The following HPS1 variants were observed in gnomAD, a reference collection of about 807,000 sequenced individuals.
HPS1 encodes HPS1 biogenesis of lysosomal organelles complex 3 subunit 1.
Under a neutral mutation model 90.6 loss-of-function variants are expected in HPS1, and 59 were observed. The observed-to-expected ratio is 0.65, with a 90% confidence interval of 0.53 to 0.81. The LOEUF (loss-of-function observed/expected upper bound fraction) is 0.81. HPS1 is among the 30% of genes least tolerant of loss of function. The pLI, the probability that HPS1 is intolerant of heterozygous loss-of-function variation, is 0.00. For missense variants in HPS1, 849 were observed against 896.7 expected (o/e 0.95, Z 0.68); for synonymous variants, 388 against 384.4 (o/e 1.01, Z -0.11).
chr10:98,425,402 C>A, intron 13 of HPS1, 139 bp downstream of exon 13: 1 of 797,352 alleles, frequency 1.3e-6, no homozygotes, highest in Non-Finnish European at 2.1e-6. Flanking sequence ...ATAGGGAAAA[C>A]AAGGATCGTA....
At chr10:98,424,482 A>C (rs1271021754) in intron 13 of HPS1, 108 bp from the exon 14 acceptor site, 8 of 955,576 alleles carry the variant, frequency 8.4e-6, no homozygotes, top group Non-Finnish European at 1.3e-5. Flanking sequence ...GCCCCCAGAC[A>C]AATCTGCCCT....
rs1358168907 is a variant in HPS1, at chr10:98,427,155, CA to C, written c.987+59del. On this transcript the variant is annotated intron_variant, in intron 11 of 19. Coordinates refer to ENST00000361490, the MANE Select transcript of HPS1 (RefSeq NM_000195.5). ...CTGGAGGCGAAACCCTCAGAGCCCC[CA>C]ATACTCACTGCGGCATCTCAGATCA... The C allele has an allele frequency of 2.9e-6, 4 of 1,399,556 alleles. No homozygotes were observed. The South Asian group carries it at 5.0e-5, about 17-fold the overall frequency. The allele number at this position is 1,399,556 out of a possible 1,614,324, so 86.7% of individuals were successfully genotyped here. A position where few individuals can be genotyped will look rare whatever the true frequency, so the allele number is the denominator to read the frequency against.
intron 19 of HPS1, 23 bp downstream of exon 19, chr10:98,418,152 A>C: frequency 6.5e-7 from 1 of 1,531,484 alleles, no homozygotes; most frequent in Non-Finnish European, 9.0e-7. Context: ...ATCTGTCCCC[A>C]GTGGCTCCCA....
At chr10:98,423,289 C>T (rs1040169926) in intron 16 of HPS1, among the ~76,000 whole-genome samples, 6 of 151,328 alleles carry the variant, frequency 4.0e-5, no homozygotes, top group Admixed American at 1.3e-4. Flanking sequence ...ACCCCCCCCC[C>T]GGTCCCCACC....
At chr10:98,429,142 CA>C in intron 10 of HPS1, 1 of 1,028,740 alleles carries the variant, frequency 9.7e-7, no homozygotes, top group Non-Finnish European at 1.2e-6. Context: ...ACACCTCAAC[CA>C]TTTTGAATAT....
intron 6 of HPS1, 90 bp from the exon 7 acceptor site, chr10:98,431,381 C>CAAGCTCACTGTGG: frequency 1.5e-6 from 2 of 1,376,254 alleles, no homozygotes; most frequent in Non-Finnish European, 2.0e-6. Context: ...TCACTCTGTC[C>CAAGCTCACTGTGG]ACAGTGAGCT....
At chr10:98,430,744 T>C in intron 7 of HPS1, 74 bp from the exon 8 acceptor site, 1 of 1,251,992 alleles carries the variant, frequency 8.0e-7, no homozygotes, top group Non-Finnish European at 1.1e-6. Context: ...TAAAGGAGTG[T>C]GGAGCCTGGC....
At chr10:98,426,926 TA>T (rs138043631) in intron 11 of HPS1, among the ~76,000 whole-genome samples, 25 of 150,602 alleles carry the variant, frequency 1.7e-4, no homozygotes, top group East Asian at 1.6e-3. Context: ...CATGCTCACT[TA>T]AAAAAAAAAT....
chr10:98,418,716 G>A (rs938766401), intron 18 of HPS1, among the ~76,000 whole-genome samples: 2 of 152,220 alleles, frequency 1.3e-5, no homozygotes, highest in Non-Finnish European at 2.9e-5. Flanking sequence ...CCTGGGCACC[G>A]TGGCCTGCCC....
intron 3 of HPS1, among the ~76,000 whole-genome samples, chr10:98,438,339 C>T (rs901045165): frequency 6.6e-6 from 1 of 152,156 alleles, no homozygotes; most frequent in Admixed American, 6.5e-5. Flanking sequence ...TTCCCAGAGA[C>T]TCATTGAATG....
intron 11 of HPS1, chr10:98,426,237 G>C: frequency 1.9e-6 from 1 of 521,030 alleles, no homozygotes. Flanking sequence ...AGGGGCAGAG[G>C]GGCTGGGTGG....
chr10:98,425,642 C>T lies in HPS1; in HGVS notation c.1234G>A (p.Gly412Arg), dbSNP rs751073997. The T allele has an allele frequency of 6.2e-7, 1 of 1,613,768 alleles. No homozygotes were observed. The highest frequency in any genetic ancestry group is 8.5e-7 in the Non-Finnish European group (1 of 1,179,952). ...CGCAGGGAGGCCCCGGGCTCCGGCCCTTCCTTCAGCTTCTTCTCCAGCATG... is the reference window on the plus strand; with the variant it reads ...CGCAGGGAGGCCCCGGGCTCCGGCCTTTCCTTCAGCTTCTTCTCCAGCATG... ...FSMLEKKLKE[G>R]PEPGASLRSQ... Residue 412 changes from glycine to arginine, a missense_variant, in exon 13 of 20, where the codon GGG becomes AGG. Coordinates refer to ENST00000361490, the MANE Select transcript of HPS1 (RefSeq NM_000195.5).
chr10:98,423,326 G>C (rs899927732), intron 16 of HPS1, among the ~76,000 whole-genome samples: 1 of 125,912 alleles, frequency 7.9e-6, no homozygotes, highest in Non-Finnish European at 1.6e-5. Context: ...CTACCATTTT[G>C]CCAGCTGGGC....
At chr10:98,442,973 C>T (rs1197029996) in intron 3 of HPS1, 151 bp downstream of exon 3, 1 of 750,788 alleles carries the variant, frequency 1.3e-6, no homozygotes, top group East Asian at 2.5e-5. Flanking sequence ...GGATAAGGGT[C>T]TAGGTGTGAA....
chr10:98,420,336 A>G (rs1305296970), intron 17 of HPS1, 178 bp from the exon 18 acceptor site: 8 of 640,782 alleles, frequency 1.2e-5, no homozygotes, highest in South Asian at 4.9e-5. Context: ...TCATTATTGG[A>G]TGGATGGACT....
At chr10:98,415,177 G>T (rs369767352), downstream of HPS1, 126 of 1,601,640 alleles carry the variant, frequency 7.9e-5, no homozygotes, top group African/African-American at 1.6e-3. Flanking sequence ...GAGTTTGCTA[G>T]CGATTGGCTT....
rs182133449 is a variant in HPS1 at position 98,434,642 on chromosome 10, G to A, written c.399-551C>T. Among the ~76,000 whole-genome samples, 4 of 152,054 alleles carry A rather than the reference G, an allele frequency of 2.6e-5. No individual in the cohort carries two copies. In the East Asian group the frequency reaches 7.7e-4, roughly 29 times the overall value. On this transcript the variant is annotated intron_variant, in intron 5 of 19. Transcript: ENST00000361490. Reference sequence around the variant, plus strand: ...ATATCGCCACAAAACTAAAGTCCCAGAGCTTCACACTCCGCAGCTTCCCAA... The same window carrying A: ...ATATCGCCACAAAACTAAAGTCCCAAAGCTTCACACTCCGCAGCTTCCCAA...
At chr10:98,436,550 A>G (rs1167420202) in intron 3 of HPS1, among the ~76,000 whole-genome samples, 1 of 138,670 alleles carries the variant, frequency 7.2e-6, no homozygotes, top group Non-Finnish European at 1.6e-5. Flanking sequence ...TGACTTTGAT[A>G]AGCTCTTCCT....
At chr10:98,440,307 A>C (rs11599696) in intron 3 of HPS1, among the ~76,000 whole-genome samples, 19,491 of 152,210 alleles carry the variant, frequency 0.13, 1,513 homozygotes, top group South Asian at 0.22. Flanking sequence ...TATCCTAGGA[A>C]TTTATCTGAC....
Sources: allele counts gnomAD v4.1 joint callset (sites outside exome capture counted in the v4.1 genomes callset), GRCh38; gene constraint gnomAD v4.1.1; transcripts MANE v1.5; gene names NCBI Gene and HGNC (gene_info 2026-07-23, HGNC 2026-07-21).